TMEM64: variants seen among roughly 807,000 people sequenced by gnomAD.
TMEM64 encodes the protein transmembrane protein 64.
Under a neutral mutation model 24.5 loss-of-function variants are expected in TMEM64, and 19 were observed. The observed-to-expected ratio is 0.78, with a 90% confidence interval of 0.54 to 1.14. The LOEUF (loss-of-function observed/expected upper bound fraction) is 1.14, where lower values mean the gene tolerates loss of function less well. Ranked by LOEUF, TMEM64 falls within the 50% of genes most tolerant of loss-of-function variation. TMEM64 has a pLI of 0.00. For synonymous variants in TMEM64, 262 were observed against 224.7 expected, an observed-to-expected ratio of 1.17 and a Z score of -1.49; for missense variants, 487 against 493.0, an observed-to-expected ratio of 0.99 and a Z score of 0.12.
rs1330806357 is a variant in TMEM64, at chr8:90,623,292, A to G, written c.*2379T>C. ...ATATGACTGACAGCAATATTTGGAC[A>G]ACATAAAAGTATCCTGTAGATATGT... On this transcript the variant is annotated 3_prime_UTR_variant, in exon 3 of 3. Coordinates refer to ENST00000458549, the MANE Select transcript of TMEM64 (RefSeq NM_001008495.4). 3.3e-5 allele frequency: 5 copies of G among 152,186 alleles called. No individual in the cohort carries two copies. Among genetic ancestry groups the G allele is most frequent in the African/African-American group, 1.2e-4 (5 of 41,460 alleles). 9.4% of individuals were successfully genotyped at this position (152,186 alleles called of 1,614,324 possible).
chr8:90,634,406 A>T (rs561647345), intron 1 of TMEM64, among the ~76,000 whole-genome samples: 4 of 152,196 alleles, frequency 2.6e-5, no homozygotes, highest in Non-Finnish European at 5.9e-5. Flanking sequence ...ACCAGTTAAT[A>T]CGTGGCAAGG....
At position 90,645,319 on chromosome 8, in the gene TMEM64, C is replaced by A; in HGVS notation, c.587G>T (p.Gly196Val). ...GYLYGFVLGM[G>V]LMMVGVLIGT... is the part of the protein sequence containing the mutation. ...GATGAGGACGCCCACCATCATCAGA[C>A]CCATGCCCAGCACGAAGCCGTACAG... is the stretch of plus-strand genomic sequence containing the variant. Residue 196 changes from glycine (G) to valine (V), a missense_variant, in exon 1 of 3, where the codon GGT becomes GTT. Physicochemically the swap from Gly to Val is moderately radical, Grantham distance 109. This residue lies in a region of TMEM64 where 419 missense variants were observed against 407.5 expected (regional missense o/e 1.03). Coordinates refer to ENST00000458549, the MANE Select transcript of TMEM64 (RefSeq NM_001008495.4). The surrounding 1 kb of genome is among the most constrained non-coding windows in gnomAD (Gnocchi z 4.2). 3.2e-6 allele frequency: 5 copies of A among 1,569,680 alleles called. No individual in the cohort carries two copies. The highest frequency in any genetic ancestry group is 4.3e-6 in the Non-Finnish European group (5 of 1,157,022).
rs902415804 is a variant in TMEM64, at chr8:90,637,203, A to T, written c.796-5496T>A. ...ACACAGCATTTCTGGAGCTGACAAC[A>T]GAGAACCTCTGTCTTCAGATCATTC... is the stretch of plus-strand genomic sequence containing the variant. On this transcript the variant is annotated intron_variant, in intron 1 of 2. Coordinates refer to ENST00000458549, the MANE Select transcript of TMEM64 (RefSeq NM_001008495.4). Among the ~76,000 whole-genome samples, 11 of 152,338 alleles carry T rather than the reference A, an allele frequency of 7.2e-5. 1 individual carries two copies. Among genetic ancestry groups the T allele is most frequent in the Middle Eastern group, 6.8e-3 (2 of 294 alleles).
At chr8:90,639,284 C>T (rs1809567337) in intron 1 of TMEM64, among the ~76,000 whole-genome samples, 1 of 151,972 alleles carries the variant, frequency 6.6e-6, no homozygotes, top group African/African-American at 2.4e-5. Context: ...CTTCACTGTC[C>T]CTAAATTAGG....
Position 90,645,809 on chromosome 8 carries a change from GGGCCCAGC to G in TMEM64, c.89_96del (p.Arg30ProfsTer73), listed in dbSNP as rs1440749180. The G allele has an allele frequency of 1.9e-6, 2 of 1,037,218 alleles. No individual in the cohort carries two copies. Among genetic ancestry groups the G allele is most frequent in the Non-Finnish European group, 2.3e-6 (2 of 865,370 alleles). The allele number at this position is 1,037,218 out of a possible 1,614,324, so 64.3% of individuals were successfully genotyped here. ...CCGTCCCCGCCCGCACCCCGCGGCAGGGCCCAGCGGGCCGGCAGCTCGGCGAGGCCCGG... is the reference window on the plus strand; with the variant it reads ...CCGTCCCCGCCCGCACCCCGCGGCAGGGGCCGGCAGCTCGGCGAGGCCCGG... On this transcript the variant is annotated frameshift_variant, in exon 1 of 3. Coordinates refer to ENST00000458549, the MANE Select transcript of TMEM64 (RefSeq NM_001008495.4). LOFTEE classifies it high-confidence loss of function. This position sits in a 1 kb window ranked among gnomAD's most constrained non-coding sequence, Gnocchi z 4.2.
chr8:90,631,561 A>C lies in TMEM64; in HGVS notation c.942T>G (p.Phe314Leu), dbSNP rs758219776. 2.5e-6 allele frequency: 4 copies of C among 1,591,586 alleles called. No individual in the cohort carries two copies. In the East Asian group the frequency reaches 6.7e-5, roughly 27 times the overall value. ...AEQSVSGYFV[F>L]CLQIIISIGL... The stretch of plus-strand genomic sequence containing the variant: ...TTGGCCTTAAACTCACCTGTAAACA[A>C]AAAACAAAATATCCACTAACACTCT... Residue 314 changes from phenylalanine (F) to leucine (L), a missense_variant, in exon 2 of 3, where the codon TTT becomes TTG. Coordinates refer to ENST00000458549, the MANE Select transcript of TMEM64 (RefSeq NM_001008495.4).
At chr8:90,642,634 G>C (rs1809621427) in intron 1 of TMEM64, among the ~76,000 whole-genome samples, 1 of 152,114 alleles carries the variant, frequency 6.6e-6, no homozygotes, top group African/African-American at 2.4e-5. Context: ...ACATATCTTG[G>C]CTGAATTCAG....
intron 1 of TMEM64, among the ~76,000 whole-genome samples, chr8:90,642,888 T>A (rs1486475783): frequency 6.6e-6 from 1 of 152,200 alleles, no homozygotes; most frequent in Non-Finnish European, 1.5e-5. Flanking sequence ...CTCAGTGAAA[T>A]GGTGACAATA....
At chr8:90,634,064 T>C (rs1043921292) in intron 1 of TMEM64, among the ~76,000 whole-genome samples, 2 of 152,142 alleles carry the variant, frequency 1.3e-5, no homozygotes, top group Admixed American at 6.5e-5. Flanking sequence ...TTTAAGAGTA[T>C]ATTGTTGGTT....
chr8:90,630,114 C>T (rs889276666), intron 2 of TMEM64, among the ~76,000 whole-genome samples: 2 of 151,994 alleles, frequency 1.3e-5, no homozygotes, highest in Non-Finnish European at 2.9e-5. Context: ...AGTGTTGTCC[C>T]CTGTATCTGT....
In TMEM64 at chr8:90,622,022, T is replaced by G. The variant is rs1586123115; in HGVS notation, c.*3649A>C. 2 of 152,276 alleles carry G rather than the reference T, an allele frequency of 1.3e-5. No homozygotes were observed. The highest frequency in any genetic ancestry group is 6.8e-3 in the Middle Eastern group (2 of 294). The allele number at this position is 152,276 out of a possible 1,614,324, so 9.4% of individuals were successfully genotyped here. A position where few individuals can be genotyped will look rare whatever the true frequency, so the allele number is the denominator to read the frequency against. ...AAGTAAAATATTACCTTTTATTTTC[T>G]CAGGCACACAAGTGATTTGGATACC... is the stretch of plus-strand genomic sequence containing the variant. On this transcript the variant is annotated 3_prime_UTR_variant, in exon 3 of 3. Coordinates refer to ENST00000458549, the MANE Select transcript of TMEM64 (RefSeq NM_001008495.4).
Position 90,631,475 on chromosome 8 carries a change from G to A in TMEM64, c.951+77C>T, listed in dbSNP as rs528906816. 5.9e-4 allele frequency: 730 copies of A among 1,232,172 alleles called. 1 individual carries two copies. Among genetic ancestry groups the A allele is most frequent in the Non-Finnish European group, 5.4e-4 (491 of 907,652 alleles). 76.3% of individuals were successfully genotyped at this position (1,232,172 alleles called of 1,614,324 possible). A position where few individuals can be genotyped will look rare whatever the true frequency, so the allele number is the denominator to read the frequency against. ...GAAAAACCCTCTGATTATTTTCAAT[G>A]AAATCTGTCAAATCAGCAATGCCAT... On this transcript the variant is annotated intron_variant, in intron 2 of 2. Transcript: ENST00000458549.
In TMEM64 at chr8:90,624,175, C is replaced by G. The variant is rs1321055542; in HGVS notation, c.*1496G>C. On this transcript the variant is annotated 3_prime_UTR_variant, in exon 3 of 3. Transcript: ENST00000458549. ...ATAAAGGAAAGGAAAACAATTATAC[C>G]TGATAGAGCAAAAAGATCACACATT... 6.6e-6 allele frequency: 1 copy of G among 151,852 alleles called. No individual in the cohort carries two copies. Among genetic ancestry groups the G allele is most frequent in the Non-Finnish European group, 1.5e-5 (1 of 67,880 alleles). 9.4% of individuals were successfully genotyped at this position (151,852 alleles called of 1,614,324 possible). A position where few individuals can be genotyped will look rare whatever the true frequency, so the allele number is the denominator to read the frequency against.
chr8:90,645,402 G>A lies in TMEM64; in HGVS notation c.504C>T (p.Ile168=). ...CCCAGCCGCAGGGGAAAGAGACCAC[G>A]ATGAAGCCCACGACGAAGAGCAGGA... is the stretch of plus-strand genomic sequence containing the variant. ...LGVLLFVVGF[I]VVSFPCGWGY... The change falls in exon 1 of 3, where the codon ATC becomes ATT. Residue 168 remains isoleucine, a synonymous_variant. Coordinates refer to ENST00000458549, the MANE Select transcript of TMEM64 (RefSeq NM_001008495.4). This position sits in a 1 kb window ranked among gnomAD's most constrained non-coding sequence, Gnocchi z 4.2. 1 of 1,551,822 alleles carries A rather than the reference G, an allele frequency of 6.4e-7. No individual in the cohort carries two copies. Among genetic ancestry groups the A allele is most frequent in the South Asian group, 1.2e-5 (1 of 84,082 alleles).
At chr8:90,627,097 T>A (rs1809372090) in intron 2 of TMEM64, among the ~76,000 whole-genome samples, 1 of 152,204 alleles carries the variant, frequency 6.6e-6, no homozygotes, top group Non-Finnish European at 1.5e-5. Context: ...TAACCAAAAG[T>A]GATACGGAAA....
intron 2 of TMEM64, among the ~76,000 whole-genome samples, chr8:90,630,840 A>C (rs919424883): frequency 5.3e-5 from 8 of 152,202 alleles, no homozygotes; most frequent in African/African-American, 1.9e-4. Flanking sequence ...ATTTTGTTAA[A>C]TCTCAGGAAT....
Position 90,645,469 on chromosome 8 carries a change from T to C in TMEM64, c.437A>G (p.His146Arg). The C allele has an allele frequency of 1.3e-6, 2 of 1,550,900 alleles. No individual in the cohort carries two copies. The highest frequency in any genetic ancestry group is 1.7e-6 in the Non-Finnish European group (2 of 1,146,898). Residue 146 changes from histidine (H) to arginine (R), a missense_variant, in exon 1 of 3, where the codon CAC (histidine) becomes CGC (arginine). Coordinates refer to ENST00000458549, the MANE Select transcript of TMEM64 (RefSeq NM_001008495.4). This position sits in a 1 kb window ranked among gnomAD's most constrained non-coding sequence, Gnocchi z 4.2. Reference protein sequence around the residue: ...SLALVRRYLHHLLLWVESLDS... With the variant: ...SLALVRRYLHRLLLWVESLDS... ...AAGGCTCTCCACCCACAGCAGGAGG[T>C]GGTGAAGGTAGCGGCGGACCAGGGC...
chr8:90,638,862 T>A (rs1481946003), intron 1 of TMEM64, among the ~76,000 whole-genome samples: 1 of 152,106 alleles, frequency 6.6e-6, no homozygotes, highest in East Asian at 1.9e-4. Flanking sequence ...TACACCATGA[T>A]TTACCTAGAA....
At chr8:90,638,095 A>AC (rs1308541429) in intron 1 of TMEM64, among the ~76,000 whole-genome samples, 2 of 151,222 alleles carry the variant, frequency 1.3e-5, no homozygotes, top group Admixed American at 1.3e-4. Flanking sequence ...TACACAGACT[A>AC]CCCCCACTCA....
Sources: gnomAD v4.1 joint callset for allele counts (sites outside exome capture counted in the v4.1 genomes callset) on GRCh38, gnomAD v4.1.1 for gene constraint, gnomAD v4.1.1 regional missense constraint, Gnocchi (gnomAD v3.1) non-coding constraint, MANE v1.5 for transcripts, NCBI Gene and HGNC (gene_info 2026-07-23, HGNC 2026-07-21) for gene names.